Variants in PCDH9 observed in about 807,000 individuals in gnomAD.
The protein encoded by PCDH9 is protocadherin-9.
PCDH9 carries 24 observed loss-of-function variants against 70.6 expected under a neutral mutation model. That is an observed-to-expected ratio of 0.34 (90% CI 0.25 to 0.48). PCDH9 has a LOEUF of 0.48. Ranked by LOEUF, PCDH9 falls within the 20% of genes least tolerant of loss-of-function variation. The pLI is 0.99. For synonymous variants in PCDH9, 562 were observed against 558.5 expected (o/e 1.01, Z -0.09); for missense variants, 1,281 against 1,503.6 (o/e 0.85, Z 2.45).
At chr13:66,428,917 T>C (rs1392973257) in intron 4 of PCDH9, among the ~76,000 whole-genome samples, 2 of 151,798 alleles carry the variant, frequency 1.3e-5, no homozygotes, top group Non-Finnish European at 2.9e-5. Context: ...AATCTATAAG[T>C]AATCAAATAG....
At chr13:66,363,983 C>T (rs760630536) in intron 4 of PCDH9, among the ~76,000 whole-genome samples, 2 of 151,880 alleles carry the variant, frequency 1.3e-5, no homozygotes, top group Non-Finnish European at 2.9e-5. Flanking sequence ...GGTGAAACCC[C>T]GTCTCTACTA....
At chr13:66,514,859 T>C (rs531832202) in intron 4 of PCDH9, among the ~76,000 whole-genome samples, 1 of 152,246 alleles carries the variant, frequency 6.6e-6, no homozygotes, top group Admixed American at 6.5e-5. Flanking sequence ...TCTACTGTAG[T>C]GTATTTCCGA....
intron 2 of PCDH9, among the ~76,000 whole-genome samples, chr13:67,120,697 G>T (rs1044966917): frequency 2.6e-5 from 4 of 151,950 alleles, no homozygotes; most frequent in African/African-American, 9.7e-5. Flanking sequence ...CAAAAATTAG[G>T]TTTTATTAAT....
At chr13:66,610,595 C>T (rs895211527) in intron 4 of PCDH9, among the ~76,000 whole-genome samples, 1 of 152,052 alleles carries the variant, frequency 6.6e-6, no homozygotes, top group Non-Finnish European at 1.5e-5. Context: ...GCTCAAAATA[C>T]CTGAACTTCT....
At chr13:67,176,689 T>TC (rs958246223) in intron 2 of PCDH9, among the ~76,000 whole-genome samples, 2 of 151,928 alleles carry the variant, frequency 1.3e-5, no homozygotes, top group African/African-American at 4.8e-5. Context: ...ATACATTATT[T>TC]CCCCCCTCTT....
intron 3 of PCDH9, among the ~76,000 whole-genome samples, chr13:66,647,568 GC>G (rs2077788965): frequency 6.6e-6 from 1 of 152,134 alleles, no homozygotes; most frequent in Admixed American, 6.5e-5. Context: ...ACTCACCATG[GC>G]CCTTGGGTGA....
intron 2 of PCDH9, among the ~76,000 whole-genome samples, chr13:67,082,981 T>C (rs1023804356): frequency 1.3e-5 from 2 of 152,166 alleles, no homozygotes; most frequent in Non-Finnish European, 2.9e-5. Context: ...GGAATACCTC[T>C]GGAAATTTTC....
intron 2 of PCDH9, among the ~76,000 whole-genome samples, chr13:67,181,222 T>C (rs988822500): frequency 2.6e-5 from 4 of 152,192 alleles, no homozygotes; most frequent in African/African-American, 2.4e-5. Context: ...GGATTTATTA[T>C]TGAAATTTAA....
At chr13:66,710,140 G>T (rs1018972074) in intron 3 of PCDH9, among the ~76,000 whole-genome samples, 1 of 152,036 alleles carries the variant, frequency 6.6e-6, no homozygotes, top group East Asian at 1.9e-4. Flanking sequence ...GAGACTTATG[G>T]ACTGAAATCT....
chr13:66,515,005 T>G (rs556431025), intron 4 of PCDH9, among the ~76,000 whole-genome samples: 2 of 152,198 alleles, frequency 1.3e-5, no homozygotes, highest in South Asian at 4.1e-4. Context: ...AAAACCATAT[T>G]AGCTCCCTGA....
intron 2 of PCDH9, among the ~76,000 whole-genome samples, chr13:67,018,834 A>C (rs1324831753): frequency 6.6e-6 from 1 of 152,112 alleles, no homozygotes; most frequent in Non-Finnish European, 1.5e-5. Context: ...TCTTTCTGAA[A>C]TTTAAATATA....
intron 2 of PCDH9, among the ~76,000 whole-genome samples, chr13:67,053,130 T>C (rs992773013): frequency 1.1e-4 from 16 of 152,076 alleles, no homozygotes; most frequent in African/African-American, 3.9e-4. Flanking sequence ...GAACTTACAT[T>C]GAGCACAATC....
At chr13:66,998,576 G>A (rs1281632835) in intron 2 of PCDH9, among the ~76,000 whole-genome samples, 1 of 152,078 alleles carries the variant, frequency 6.6e-6, no homozygotes, top group Non-Finnish European at 1.5e-5. Flanking sequence ...CTTAGTTGGT[G>A]AAAGAAACAA....
At chr13:67,205,183 A>T (rs1352253015) in intron 2 of PCDH9, 5 of 152,128 alleles carry the variant, frequency 3.3e-5, no homozygotes, top group African/African-American at 1.2e-4. Context: ...CCAATATATT[A>T]TCTTATATTT....
rs180861987 is a variant in PCDH9 at position 66,842,112 on chromosome 13, T to A, written c.3138+61392A>T. Among the ~76,000 whole-genome samples the A allele has an allele frequency of 4.1e-3, 619 of 152,300 alleles. 2 individuals are homozygous for A. The highest frequency in any genetic ancestry group is 5.9e-3 in the Non-Finnish European group (400 of 68,012). On this transcript the variant is annotated intron_variant, in intron 3 of 4. Coordinates refer to ENST00000377865, the MANE Select transcript of PCDH9 (RefSeq NM_203487.3). ...AGACTTCTCTAGGCACACAATATGA[T>A]ACTTTACTAACATCAAATGTAGCTT...
chr13:67,168,350 A>G (rs1382072471), intron 2 of PCDH9, among the ~76,000 whole-genome samples: 1 of 152,226 alleles, frequency 6.6e-6, no homozygotes, highest in African/African-American at 2.4e-5. Flanking sequence ...CCATGGGGAA[A>G]TAAACAAGGA....
intron 4 of PCDH9, among the ~76,000 whole-genome samples, chr13:66,458,999 G>A (rs1958369800): frequency 6.6e-6 from 1 of 151,980 alleles, no homozygotes; most frequent in African/African-American, 2.4e-5. Context: ...ATGTTTTGGA[G>A]TGTTTTTGGC....
At chr13:67,162,455 G>A (rs2087989273) in intron 2 of PCDH9, among the ~76,000 whole-genome samples, 1 of 152,052 alleles carries the variant, frequency 6.6e-6, no homozygotes, top group Non-Finnish European at 1.5e-5. Context: ...CATCTTTTTT[G>A]TTACACACCA....
chr13:67,159,106 C>G (rs769275770), intron 2 of PCDH9, among the ~76,000 whole-genome samples: 4 of 152,092 alleles, frequency 2.6e-5, no homozygotes, highest in Non-Finnish European at 5.9e-5. Flanking sequence ...TGCAGATCAG[C>G]AAAATTAGAC....
Sources: gnomAD v4.1 joint callset for allele counts (sites outside exome capture counted in the v4.1 genomes callset) on GRCh38, gnomAD v4.1.1 for gene constraint, MANE v1.5 for transcripts, NCBI Gene and HGNC (gene_info 2026-07-23, HGNC 2026-07-21) for gene names.